CHRNA4: variants seen among roughly 807,000 people sequenced by gnomAD.
CHRNA4 encodes the protein neuronal acetylcholine receptor subunit alpha-4.
CHRNA4 carries 28 observed loss-of-function variants against 48.9 expected under a neutral mutation model. The observed-to-expected ratio is 0.57, with a 90% CI of 0.42 to 0.79. The LOEUF (loss-of-function observed/expected upper bound fraction) is 0.79. Among genes scored for constraint, CHRNA4 ranks in the 30% least tolerant of loss-of-function variants. The pLI is 0.00. For missense variants in CHRNA4, 859 were observed against 898.4 expected, an observed-to-expected ratio of 0.96 and a Z score of 0.56; for synonymous variants, 425 against 402.3, an observed-to-expected ratio of 1.06 and a Z score of -0.68.
At chr20:63,356,580 C>T in intron 2 of CHRNA4, 165 bp from the exon 3 acceptor site, 2 of 704,944 alleles carry the variant, frequency 2.8e-6, no homozygotes, top group Admixed American at 2.2e-5. Context: ...GGCAGCCGAG[C>T]CCAGGATGGG....
chr20:63,346,174 G>A lies in CHRNA4; in HGVS notation c.*564C>T, dbSNP rs201045825. ...ACACAACCAAACACAATCCCTGCCT[G>A]GACCCTCTCCTAGCGAAGCAGATTG... On this transcript the variant is annotated 3_prime_UTR_variant, in exon 6 of 6. Coordinates refer to ENST00000370263, the MANE Select transcript of CHRNA4 (RefSeq NM_000744.7). 1 of 454,182 alleles carries A rather than the reference G, an allele frequency of 2.2e-6. No homozygotes were observed. Among genetic ancestry groups the A allele is most frequent in the Non-Finnish European group, 4.4e-6 (1 of 226,816 alleles). 28.1% of individuals were successfully genotyped at this position (454,182 alleles called of 1,614,324 possible).
Position 63,344,329 on chromosome 20 carries a change from C to T in CHRNA4, c.*2409G>A, listed in dbSNP as rs200819632. The T allele has an allele frequency of 4.8e-5, 22 of 453,886 alleles. No individual in the cohort carries two copies. Among genetic ancestry groups the T allele is most frequent in the African/African-American group, 4.2e-4 (21 of 49,972 alleles). The allele number at this position is 453,886 out of a possible 1,614,324, so 28.1% of individuals were successfully genotyped here. ...ACGCCGACAGGAAGGGCTGGAGGGA[C>T]CTTCTAGGGGCTGGGTCTCCACTGA... On this transcript the variant is annotated 3_prime_UTR_variant, in exon 6 of 6. Coordinates refer to ENST00000370263, the MANE Select transcript of CHRNA4 (RefSeq NM_000744.7). This position sits in a 1 kb window ranked among gnomAD's most constrained non-coding sequence, Gnocchi z 4.5.
rs56339657 is a variant in CHRNA4 at position 63,345,791 on chromosome 20, C to T, written c.*947G>A. ...AGCCCAGGGCGGATCTCCCGGGCTG[C>T]GCGCCAAGGTGGAAACCCTCAGGGT... On this transcript the variant is annotated 3_prime_UTR_variant, in exon 6 of 6. Coordinates refer to ENST00000370263, the MANE Select transcript of CHRNA4 (RefSeq NM_000744.7). The surrounding 1 kb of genome is among the most constrained non-coding windows in gnomAD (Gnocchi z 5.4). The T allele has an allele frequency of 1.7e-3, 762 of 441,198 alleles. 1 individual carries two copies. Among genetic ancestry groups the T allele is most frequent in the Non-Finnish European group, 3.0e-3 (647 of 216,742 alleles). 27.3% of individuals were successfully genotyped at this position (441,198 alleles called of 1,614,324 possible).
chr20:63,347,485 G>A (rs137910183), intron 5 of CHRNA4, among the ~76,000 whole-genome samples: 4 of 152,298 alleles, frequency 2.6e-5, no homozygotes, highest in East Asian at 1.9e-4. Context: ...CTCCAGGTCC[G>A]GCTTCTAACC....
At chr20:63,359,051 AT>A (rs11478664) in intron 2 of CHRNA4, among the ~76,000 whole-genome samples, 152,238 of 152,248 alleles carry the variant, frequency 1, 76,114 homozygotes, top group Middle Eastern at 1. Flanking sequence ...GAAAGAACAT[AT>A]CTTCAGACAA....
intron 4 of CHRNA4, 97 bp from the exon 5 acceptor site, chr20:63,351,124 C>T (rs1280461836): frequency 2.3e-6 from 3 of 1,281,102 alleles, no homozygotes; most frequent in Non-Finnish European, 3.2e-6. Context: ...TCCACACCCA[C>T]ACCCACATCC....
chr20:63,352,906 C>T (rs2068637758), intron 4 of CHRNA4, among the ~76,000 whole-genome samples: 2 of 152,200 alleles, frequency 1.3e-5, no homozygotes, highest in African/African-American at 4.8e-5. Flanking sequence ...TGGCTCCAGC[C>T]GCCCTCTGGG....
intron 5 of CHRNA4, among the ~76,000 whole-genome samples, chr20:63,348,068 G>C (rs2123466242): frequency 6.6e-6 from 1 of 152,350 alleles, no homozygotes; most frequent in Admixed American, 6.5e-5. Context: ...CCACCCTGAA[G>C]ATGAAACGCA....
At position 63,349,661 on chromosome 20, in the gene CHRNA4, CTG is replaced by C. The variant is rs772170088; in HGVS notation, c.1748_1749del (p.Thr583ArgfsTer164). ...YIADHLKAEDTDFSVKEDWKY... is the reference protein window; with the variant it reads ...YIADHLKAEDXDFSVKEDWKY... ...CCATGGGCGGGACTTACCGAGAAGT[CTG>C]TGTCTTCGGCCTTCAGGTGGTCTGC... On this transcript the variant is annotated frameshift_variant, in exon 5 of 6. Coordinates refer to ENST00000370263, the MANE Select transcript of CHRNA4 (RefSeq NM_000744.7). LOFTEE classifies it high-confidence loss of function. 10 of 1,612,714 alleles carry C rather than the reference CTG, an allele frequency of 6.2e-6. No homozygotes were observed. The highest frequency in any genetic ancestry group is 8.5e-6 in the Non-Finnish European group (10 of 1,179,898).
In CHRNA4 at chr20:63,345,649, C is replaced by T. The variant is rs55985535; in HGVS notation, c.*1089G>A. On this transcript the variant is annotated 3_prime_UTR_variant, in exon 6 of 6. Coordinates refer to ENST00000370263, the MANE Select transcript of CHRNA4 (RefSeq NM_000744.7). This position sits in a 1 kb window ranked among gnomAD's most constrained non-coding sequence, Gnocchi z 5.4. ...CCAGGGCTCCCTGACTCCCATGAGG[C>T]TTCTCAGGGACTTCCTGCCCCGAGG... 9.8e-4 allele frequency: 444 copies of T among 453,944 alleles called. 4 individuals are homozygous for T. The highest frequency in any genetic ancestry group is 7.7e-4 in the Non-Finnish European group (174 of 226,680). The allele number at this position is 453,944 out of a possible 1,614,324, so 28.1% of individuals were successfully genotyped here.
chr20:63,344,947 C>G lies in CHRNA4; in HGVS notation c.*1791G>C. ...GATGCCCAGGATTTGGCACGGGGGT[C>G]TCTGTGTCCCACCCACTCCTGGCAC... On this transcript the variant is annotated 3_prime_UTR_variant, in exon 6 of 6. Coordinates refer to ENST00000370263, the MANE Select transcript of CHRNA4 (RefSeq NM_000744.7). This position sits in a 1 kb window ranked among gnomAD's most constrained non-coding sequence, Gnocchi z 4.5. The G allele has an allele frequency of 2.5e-6, 1 of 407,504 alleles. No homozygotes were observed. The highest frequency in any genetic ancestry group is 5.0e-6 in the Non-Finnish European group (1 of 200,084). The allele number at this position is 407,504 out of a possible 1,614,324, so 25.2% of individuals were successfully genotyped here.
rs867996081 is a variant in CHRNA4, at chr20:63,350,015, G to T, written c.1396C>A (p.Leu466Ile). The T allele has an allele frequency of 6.5e-7, 1 of 1,529,712 alleles. No homozygotes were observed. Among genetic ancestry groups the T allele is most frequent in the East Asian group, 2.4e-5 (1 of 42,506 alleles). 94.8% of individuals were successfully genotyped at this position (1,529,712 alleles called of 1,614,324 possible). The change falls in exon 5 of 6, where the codon CTC becomes ATC. Residue 466 changes from leucine (L) to isoleucine (I), a missense_variant. Physicochemically the swap from Leu to Ile is conservative, Grantham distance 5 (BLOSUM62 2). Transcript: ENST00000370263. Reference protein sequence around the residue: ...QAPGLAKARSLSVQHMSSPGE... With the variant: ...QAPGLAKARSISVQHMSSPGE... ...GGGCTGGACATGTGCTGGACGCTGA[G>T]GGACCTGGCTTTGGCCAGCCCTGGT... is the stretch of plus-strand genomic sequence containing the variant.
In CHRNA4 at chr20:63,361,108, C is replaced by A; in HGVS notation, c.58G>T (p.Gly20Trp). 6.8e-7 allele frequency: 1 copy of A among 1,477,422 alleles called. No homozygotes were observed. The highest frequency in any genetic ancestry group is 8.9e-7 in the Non-Finnish European group (1 of 1,120,092). The allele number at this position is 1,477,422 out of a possible 1,614,324, so 91.5% of individuals were successfully genotyped here. ...RLLPPLLLLL[G>W]TGLLRASSHV... ...AACTTACCGCGCAGGAGGCCGGTCC[C>A]CAGAAGCAGCAGCAGCGGCGGCAGC... is the stretch of plus-strand genomic sequence containing the variant. The change falls in exon 1 of 6, where the codon GGG (glycine) becomes TGG (tryptophan). Residue 20 changes from glycine to tryptophan, a missense_variant. Gly to Trp is a radical substitution (Grantham distance 184). Coordinates refer to ENST00000370263, the MANE Select transcript of CHRNA4 (RefSeq NM_000744.7).
intron 4 of CHRNA4, among the ~76,000 whole-genome samples, chr20:63,351,557 C>T (rs2068616609): frequency 6.6e-6 from 1 of 152,328 alleles, no homozygotes; most frequent in Admixed American, 6.5e-5. Flanking sequence ...CCCGGGCCAC[C>T]ATGGGAATTC....
At chr20:63,356,113 C>G (rs1219401511) in intron 3 of CHRNA4, 29 bp from the exon 4 acceptor site, 1 of 602,652 alleles carries the variant, frequency 1.7e-6, no homozygotes, top group African/African-American at 3.7e-5. Context: ...GGGGAGGCTG[C>G]AGGGTGAGGG....
At chr20:63,353,373 C>A (rs1287177627) in intron 4 of CHRNA4, among the ~76,000 whole-genome samples, 1 of 151,468 alleles carries the variant, frequency 6.6e-6, no homozygotes, top group Admixed American at 6.6e-5. Flanking sequence ...CCACTACATC[C>A]CACAGGCCAT....
chr20:63,357,149 G>A lies in CHRNA4; in HGVS notation c.229-734C>T, dbSNP rs58725917. ...GTCTCCACGGACCGTGTCCCCACAG[G>A]ACCACGTCTCCACAGGACCACATTC... On this transcript the variant is annotated intron_variant, in intron 2 of 5. Transcript: ENST00000370263. Among the ~76,000 whole-genome samples the A allele has an allele frequency of 4.5e-3, 457 of 101,262 alleles. 4 individuals are homozygous for A. Among genetic ancestry groups the A allele is most frequent in the South Asian group, 0.013 (39 of 2,930 alleles). The allele number at this position is 101,262 out of a possible 152,430, so 66.4% of individuals were successfully genotyped here. A position where few individuals can be genotyped will look rare whatever the true frequency, so the allele number is the denominator to read the frequency against.
In CHRNA4 at chr20:63,359,636, C is replaced by A. The variant is rs764990637; in HGVS notation, c.140G>T (p.Gly47Val). ...EERLLKKLFS[G>V]YNKWSRPVAN... The stretch of plus-strand genomic sequence containing the variant: ...CACGGGTCGGGACCACTTGTTGTAA[C>A]CGGAGAAGAGTTTCTTCAGGAGCCG... The change falls in exon 2 of 6, where the codon GGT becomes GTT. Residue 47 changes from glycine (G) to valine (V), a missense_variant. Physicochemically the swap from Gly to Val is moderately radical, Grantham distance 109. Transcript: ENST00000370263. The A allele has an allele frequency of 1.2e-6, 2 of 1,612,642 alleles. No homozygotes were observed. The highest frequency in any genetic ancestry group is 1.1e-5 in the South Asian group (1 of 91,076).
chr20:63,360,854 C>T, intron 1 of CHRNA4: 2 of 410,298 alleles, frequency 4.9e-6, no homozygotes, highest in Non-Finnish European at 8.6e-6. Context: ...CCACACCCCG[C>T]GGAAAGCCCC....
Sources: gnomAD v4.1 joint callset for allele counts (sites outside exome capture counted in the v4.1 genomes callset) on GRCh38, gnomAD v4.1.1 for gene constraint, Gnocchi (gnomAD v3.1) non-coding constraint, MANE v1.5 for transcripts, NCBI Gene and HGNC (gene_info 2026-07-23, HGNC 2026-07-21) for gene names.